TMC5: variants seen among roughly 807,000 people sequenced by gnomAD.
TMC5 encodes transmembrane channel-like protein 5.
In TMC5, 86 loss-of-function variants were observed where a neutral mutation model predicts 110.5. That is an observed-to-expected ratio of 0.78 (90% confidence interval 0.65 to 0.93). The LOEUF is 0.93. TMC5 is among the 40% of genes least tolerant of loss of function. The pLI is 0.00. For synonymous variants in TMC5, 455 were observed against 439.5 expected (o/e 1.04, Z -0.44); for missense variants, 1,144 against 1,222.8 (o/e 0.94, Z 0.96).
intron 14 of TMC5, among the ~76,000 whole-genome samples, chr16:19,479,859 C>T (rs113127226): frequency 1.1e-3 from 163 of 149,824 alleles, no homozygotes; most frequent in African/African-American, 3.9e-3. Flanking sequence ...TTTGGGAGAC[C>T]GAGGCAGGAG....
chr16:19,470,915 A>T (rs974373913), intron 10 of TMC5, among the ~76,000 whole-genome samples: 29 of 151,916 alleles, frequency 1.9e-4, no homozygotes, highest in African/African-American at 6.5e-4. Flanking sequence ...GGGCACCTGT[A>T]ATCCCAGCTA....
At chr16:19,423,364 T>C (rs1967025064) in intron 1 of TMC5, among the ~76,000 whole-genome samples, 1 of 152,164 alleles carries the variant, frequency 6.6e-6, no homozygotes, top group African/African-American at 2.4e-5. Flanking sequence ...TCAGTGTCCC[T>C]TGAGGGCAAA....
chr16:19,472,133 A>G lies in TMC5; in HGVS notation c.1828A>G (p.Asn610Asp). ...LRQENSKLTF[N>D]QLLTRFSAYM... is the part of the protein sequence containing the mutation. ...TCAGGAGAATTCCAAGTTGACGTTC[A>G]ATCAGCTGCTGACCCGCTTCTCTGC... Residue 610 changes from asparagine to aspartate, a missense_variant, in exon 11 of 22, where the codon AAT (asparagine) becomes GAT (aspartate). Transcript: ENST00000542583. The G allele has an allele frequency of 8.7e-6, 14 of 1,614,212 alleles. No individual in the cohort carries two copies. Among genetic ancestry groups the G allele is most frequent in the Non-Finnish European group, 1.2e-5 (14 of 1,180,024 alleles).
At chr16:19,492,942 A>ATAT (rs57619005) in intron 19 of TMC5, among the ~76,000 whole-genome samples, 156 of 107,070 alleles carry the variant, frequency 1.5e-3, no homozygotes, top group South Asian at 3.0e-3. Flanking sequence ...ATCTCTCTAT[A>ATAT]AGATAAATAC....
At chr16:19,464,163 C>T (rs573339631) in intron 8 of TMC5, 139 bp downstream of exon 8, 3 of 1,107,334 alleles carry the variant, frequency 2.7e-6, no homozygotes, top group African/African-American at 3.1e-5. Context: ...GAAATGTTTT[C>T]CTGGCTGAGT....
chr16:19,456,397 C>T (rs1967873142), intron 5 of TMC5: 2 of 953,468 alleles, frequency 2.1e-6, no homozygotes, highest in Non-Finnish European at 1.3e-6. Context: ...TTTCTAGAAT[C>T]CCATTGTCTT....
chr16:19,493,924 G>A (rs1052614053), intron 19 of TMC5, among the ~76,000 whole-genome samples: 4 of 151,522 alleles, frequency 2.6e-5, no homozygotes, highest in East Asian at 1.9e-4. Context: ...TCTGGGGCAC[G>A]TGCCTATGGG....
chr16:19,485,468 T>A (rs748314868), intron 15 of TMC5, among the ~76,000 whole-genome samples: 8 of 152,128 alleles, frequency 5.3e-5, no homozygotes, highest in Non-Finnish European at 5.9e-5. Context: ...AGCTAATTTT[T>A]GTATTTTTAG....
chr16:19,465,440 A>T (rs1168497275), intron 8 of TMC5, among the ~76,000 whole-genome samples: 1 of 152,096 alleles, frequency 6.6e-6, no homozygotes, highest in Admixed American at 6.6e-5. Flanking sequence ...AAGCTGAGGC[A>T]GGGAGAATTG....
In TMC5 at chr16:19,439,981, T is replaced by G; in HGVS notation, c.-58T>G. 2 of 1,379,540 alleles carry G rather than the reference T, an allele frequency of 1.4e-6. No individual in the cohort carries two copies. The highest frequency in any genetic ancestry group is 9.9e-7 in the Non-Finnish European group (1 of 1,010,556). 85.5% of individuals were successfully genotyped at this position (1,379,540 alleles called of 1,614,324 possible). A position where few individuals can be genotyped will look rare whatever the true frequency, so the allele number is the denominator to read the frequency against. On this transcript the variant is annotated 5_prime_UTR_variant, in exon 3 of 22. Coordinates refer to ENST00000542583, the MANE Select transcript of TMC5 (RefSeq NM_001261841.2). ...TCAGGTGAAAAAAAAAAAAGATCCC[T>G]GAGTAATTGCAAATGCTGGGACAGT...
At chr16:19,432,050 G>A (rs1225305732) in intron 2 of TMC5, among the ~76,000 whole-genome samples, 1 of 152,164 alleles carries the variant, frequency 6.6e-6, no homozygotes, top group African/African-American at 2.4e-5. Context: ...AACAGAACTC[G>A]TGGGTGGCTG....
intron 5 of TMC5, among the ~76,000 whole-genome samples, chr16:19,457,709 CTTTTTTTTTTTTTTTTTTT>C (rs573979829): frequency 0.21 from 9,220 of 44,692 alleles, 928 homozygotes; most frequent in Middle Eastern, 0.48. Flanking sequence ...AGACTACATT[CTTTTTTTTTTTTTTTTTTT>C]TTTTTTTTTT....
intron 4 of TMC5, among the ~76,000 whole-genome samples, chr16:19,448,870 T>C (rs1006967667): frequency 7.9e-5 from 10 of 125,798 alleles, no homozygotes; most frequent in African/African-American, 3.4e-4. Context: ...TTTCTTTTTT[T>C]TTTTTTTTTG....
At position 19,474,172 on chromosome 16, in the gene TMC5, C is replaced by T. The variant is rs746714550; in HGVS notation, c.1986C>T (p.Phe662=). 1.5e-5 allele frequency: 25 copies of T among 1,613,862 alleles called. No homozygotes were observed. Among genetic ancestry groups the T allele is most frequent in the South Asian group, 1.2e-4 (11 of 91,066 alleles). The change falls in exon 12 of 22, where the codon TTC becomes TTT. Residue 662 remains phenylalanine (F), a synonymous_variant. Transcript: ENST00000542583. ...CTGGGGCGGTGCTGTTACTGCCTTT[C>T]GTTGTGTCCTGCATTAATCTGGCCG... ...SNPGAVLLLP[F]VVSCINLAVP... is the part of the protein sequence containing the mutation.
At chr16:19,466,825 A>G (rs1192823112) in intron 9 of TMC5, among the ~76,000 whole-genome samples, 2 of 152,174 alleles carry the variant, frequency 1.3e-5, no homozygotes, top group African/African-American at 4.8e-5. Context: ...ATAGATAACT[A>G]TCAGAGAGGA....
chr16:19,418,980 C>G (rs1031385922), intron 1 of TMC5, among the ~76,000 whole-genome samples: 3 of 152,202 alleles, frequency 2.0e-5, no homozygotes, highest in African/African-American at 7.2e-5. Flanking sequence ...CCTTCTGCCT[C>G]AGCCTGCCAA....
chr16:19,444,143 G>A lies in TMC5; in HGVS notation c.851G>A (p.Gly284Asp). 6.2e-7 allele frequency: 1 copy of A among 1,614,094 alleles called. No homozygotes were observed. The highest frequency in any genetic ancestry group is 8.5e-7 in the Non-Finnish European group (1 of 1,179,996). Residue 284 changes from glycine (G) to aspartate (D), a missense_variant, in exon 4 of 22, where the codon GGC (glycine) becomes GAC (aspartate). By Grantham distance (94) the Gly-to-Asp change is moderately conservative. Transcript: ENST00000542583. ...SFRHRSDDPV[G>D]SLWGENDYPE... ...CGTCACAGGAGTGATGACCCCGTGG[G>A]CAGTCTTTGGGGAGAGAATGATTAC...
At chr16:19,417,094 CAAAAAAAAAA>C (rs60613963), upstream of TMC5, among the ~76,000 whole-genome samples, 8 of 69,190 alleles carry the variant, frequency 1.2e-4, no homozygotes, top group African/African-American at 2.7e-4. Context: ...ACTCAGTCTT[CAAAAAAAAAA>C]AAAAAAAAAA....
At chr16:19,419,572 C>T (rs992467347) in intron 1 of TMC5, among the ~76,000 whole-genome samples, 48 of 151,482 alleles carry the variant, frequency 3.2e-4, no homozygotes, top group African/African-American at 1.1e-3. Context: ...GCCACCATGC[C>T]CGGCTAATTT....
Sources: allele counts gnomAD v4.1 joint callset (sites outside exome capture counted in the v4.1 genomes callset), GRCh38; gene constraint gnomAD v4.1.1; transcripts MANE v1.5; gene names NCBI Gene and HGNC (gene_info 2026-07-23, HGNC 2026-07-21).